The following ENPP2 variants were observed in gnomAD, a reference collection of about 807,000 sequenced individuals.
ENPP2 encodes autotaxin.
ENPP2 carries 51 observed loss-of-function variants against 120.2 expected under a neutral mutation model. The observed-to-expected ratio is 0.42, with a 90% confidence interval of 0.34 to 0.54. ENPP2 has a LOEUF of 0.54. ENPP2 is among the 20% of genes least tolerant of loss of function. The pLI is 0.04. For synonymous variants in ENPP2, 365 were observed against 366.4 expected, an observed-to-expected ratio of 1.00 and a Z score of 0.04; for missense variants, 920 against 1,066.5, an observed-to-expected ratio of 0.86 and a Z score of 1.91.
intron 2 of ENPP2, among the ~76,000 whole-genome samples, chr8:119,630,204 G>GT (rs1478761851): frequency 6.6e-6 from 1 of 151,888 alleles, no homozygotes; most frequent in Non-Finnish European, 1.5e-5. Context: ...TGCCTCCCGG[G>GT]TTCAAAGGGT....
At chr8:119,667,810 G>A (rs985046179) in intron 1 of ENPP2, among the ~76,000 whole-genome samples, 2 of 152,134 alleles carry the variant, frequency 1.3e-5, no homozygotes, top group Non-Finnish European at 2.9e-5. Flanking sequence ...AGCTTCATTG[G>A]CTCCCCATTT....
At chr8:119,612,439 C>A (rs1479524485) in intron 8 of ENPP2, among the ~76,000 whole-genome samples, 1 of 152,230 alleles carries the variant, frequency 6.6e-6, no homozygotes, top group Non-Finnish European at 1.5e-5. Flanking sequence ...CACCCCTATT[C>A]TGTGTCATTC....
intron 1 of ENPP2, among the ~76,000 whole-genome samples, chr8:119,672,059 G>A (rs1042081158): frequency 4.6e-5 from 7 of 152,132 alleles, no homozygotes; most frequent in South Asian, 4.1e-4. Flanking sequence ...GGTCTTCGGC[G>A]GCCTTGCCAA....
intron 24 of ENPP2, among the ~76,000 whole-genome samples, chr8:119,559,508 G>A (rs1449437795): frequency 6.6e-6 from 1 of 152,142 alleles, no homozygotes; most frequent in African/African-American, 2.4e-5. Context: ...GTCTCTTCCG[G>A]TTCTCACACT....
Position 119,557,503 on chromosome 8 carries a change from C to T in ENPP2, c.*18G>A, listed in dbSNP as rs374688717. ...TATACAACCAGTTGATAAGACTGTA[C>T]TGCAGATGCTCAGAAAGTTAAATCT... On this transcript the variant is annotated 3_prime_UTR_variant, in exon 25 of 25. Coordinates refer to ENST00000075322, the MANE Select transcript of ENPP2 (RefSeq NM_001040092.3). 3.8e-6 allele frequency: 6 copies of T among 1,596,698 alleles called. No homozygotes were observed. The highest frequency in any genetic ancestry group is 4.0e-4 in the Middle Eastern group (2 of 5,060).
At chr8:119,576,902 AT>A (rs1303389826) in intron 19 of ENPP2, among the ~76,000 whole-genome samples, 23 of 152,246 alleles carry the variant, frequency 1.5e-4, no homozygotes, top group African/African-American at 5.5e-4. Context: ...TGAGGATTAC[AT>A]TTTTCTTTCT....
intron 11 of ENPP2, among the ~76,000 whole-genome samples, chr8:119,596,165 T>C (rs1487371393): frequency 6.6e-6 from 1 of 152,236 alleles, no homozygotes; most frequent in Non-Finnish European, 1.5e-5. Flanking sequence ...AGAGGAACTC[T>C]ATGGAGAGAA....
chr8:119,575,567 A>T (rs951023290), intron 19 of ENPP2, among the ~76,000 whole-genome samples: 1 of 152,212 alleles, frequency 6.6e-6, no homozygotes, highest in Non-Finnish European at 1.5e-5. Context: ...TAGAATAAGA[A>T]GCATTTTCAG....
In ENPP2 at chr8:119,561,787, T is replaced by TTGTGTGTG. The variant is rs146680195; in HGVS notation, c.2421+1062_2421+1069dup. On this transcript the variant is annotated intron_variant, in intron 24 of 24. Coordinates refer to ENST00000075322, the MANE Select transcript of ENPP2 (RefSeq NM_001040092.3). ...GATTTCTTTCTCGCTTGCTCTTGCT[T>TTGTGTGTG]TGTGTGTGTGTGTGTGTGTGTGTGT... Among the ~76,000 whole-genome samples the TTGTGTGTG allele has an allele frequency of 1.4e-3, 206 of 149,136 alleles. 1 individual carries two copies. The highest frequency in any genetic ancestry group is 4.8e-3 in the African/African-American group (194 of 40,832).
chr8:119,588,386 A>G (rs546900352), intron 13 of ENPP2, among the ~76,000 whole-genome samples: 1 of 151,914 alleles, frequency 6.6e-6, no homozygotes, highest in Admixed American at 6.6e-5. Context: ...AAAATTAGCC[A>G]GGCTTGGTGG....
chr8:119,561,127 A>G (rs956856278), intron 24 of ENPP2, among the ~76,000 whole-genome samples: 2 of 152,224 alleles, frequency 1.3e-5, no homozygotes, highest in Non-Finnish European at 2.9e-5. Flanking sequence ...ATATTCTGGC[A>G]AAACTTAATT....
intron 2 of ENPP2, among the ~76,000 whole-genome samples, chr8:119,632,889 G>T (rs1208206539): frequency 1.3e-5 from 2 of 152,132 alleles, no homozygotes. Context: ...GACAAACATG[G>T]AGAAAACCCA....
chr8:119,628,999 A>G (rs1305527642), intron 2 of ENPP2, among the ~76,000 whole-genome samples: 2 of 152,150 alleles, frequency 1.3e-5, no homozygotes, highest in Admixed American at 1.3e-4. Flanking sequence ...TTGTTTGCTT[A>G]CTTACTTTCT....
At position 119,590,472 on chromosome 8, in the gene ENPP2, T is replaced by C. The variant is rs138310512; in HGVS notation, c.1207+33A>G. The stretch of plus-strand genomic sequence containing the variant: ...CTTACCTATTCCTTTGTATTACCAC[T>C]CTAACCACTTAATATTTTAAGAATC... On this transcript the variant is annotated intron_variant, in intron 13 of 24. Coordinates refer to ENST00000075322, the MANE Select transcript of ENPP2 (RefSeq NM_001040092.3). The C allele has an allele frequency of 4.9e-3, 7,690 of 1,554,110 alleles. 480 individuals are homozygous for C. In the Admixed American group the frequency reaches 0.12, roughly 24 times the overall value.
In ENPP2 at chr8:119,592,398, G is replaced by A. The variant is rs367822479; in HGVS notation, c.1081+1354C>T. Among the ~76,000 whole-genome samples the A allele has an allele frequency of 6.0e-5, 9 of 150,642 alleles. No individual in the cohort carries two copies. In the South Asian group the frequency reaches 1.1e-3, roughly 18 times the overall value. On this transcript the variant is annotated intron_variant, in intron 12 of 24. Coordinates refer to ENST00000075322, the MANE Select transcript of ENPP2 (RefSeq NM_001040092.3). The stretch of plus-strand genomic sequence containing the variant: ...TGAGGCAGGAGAATCACTTGAACCC[G>A]GGAGGTGGAGGTTGCAGTGAGCCAA...
chr8:119,557,641 T>C lies in ENPP2; in HGVS notation c.2472A>G (p.Thr824=). The change falls in exon 25 of 25, where the codon ACA becomes ACG. Residue 824 remains threonine, a synonymous_variant. Coordinates refer to ENST00000075322, the MANE Select transcript of ENPP2 (RefSeq NM_001040092.3). ...GATGTTCAATGTCACGCACCCTAGC[T>C]GTGTGCATCTTCATGAGTTCTTCTA... ...KWVEELMKMH[T]ARVRDIEHLT... 1 of 1,602,662 alleles carries C rather than the reference T, an allele frequency of 6.2e-7. No individual in the cohort carries two copies. The highest frequency in any genetic ancestry group is 8.5e-7 in the Non-Finnish European group (1 of 1,176,784).
chr8:119,570,889 C>G lies in ENPP2; in HGVS notation c.1781-48G>C, dbSNP rs780827788. The stretch of plus-strand genomic sequence containing the variant: ...TGTGTTAGGTGCATATTAAATTTTA[C>G]ATCAAATGTTAAAGAAATGTTGGAA... On this transcript the variant is annotated intron_variant, in intron 19 of 24. Coordinates refer to ENST00000075322, the MANE Select transcript of ENPP2 (RefSeq NM_001040092.3). 6 of 1,292,574 alleles carry G rather than the reference C, an allele frequency of 4.6e-6. No homozygotes were observed. In the South Asian group the frequency reaches 1.1e-4, roughly 23 times the overall value. The allele number at this position is 1,292,574 out of a possible 1,614,324, so 80.1% of individuals were successfully genotyped here.
intron 3 of ENPP2, 99 bp downstream of exon 3, chr8:119,626,466 G>T: frequency 1.2e-6 from 1 of 854,788 alleles, no homozygotes; most frequent in Non-Finnish European, 1.9e-6. Context: ...TCCACAGTTT[G>T]GATAGACCAA....
intron 12 of ENPP2, among the ~76,000 whole-genome samples, chr8:119,590,878 G>T (rs1232635876): frequency 6.7e-6 from 1 of 150,240 alleles, no homozygotes; most frequent in Non-Finnish European, 1.5e-5. Flanking sequence ...GCATTACCTC[G>T]ATTACATTTT....
Sources: gnomAD v4.1 joint callset for allele counts (sites outside exome capture counted in the v4.1 genomes callset) on GRCh38, gnomAD v4.1.1 for gene constraint, MANE v1.5 for transcripts, NCBI Gene and HGNC (gene_info 2026-07-23, HGNC 2026-07-21) for gene names.